Variants in EPB41L3 observed in about 807,000 individuals in gnomAD.
The protein encoded by EPB41L3 is erythrocyte membrane protein band 4.1 like 3.
Under a neutral mutation model 127.1 loss-of-function variants are expected in EPB41L3, and 57 were observed. The ratio of observed to expected loss-of-function variants is 0.45; its 90% confidence interval spans 0.36 to 0.56. The LOEUF (loss-of-function observed/expected upper bound fraction) is 0.56. Among genes scored for constraint, EPB41L3 ranks in the 20% least tolerant of loss-of-function variants. The pLI, the probability that EPB41L3 is intolerant of heterozygous loss-of-function variation, is 0.00. For missense variants in EPB41L3, 1,273 were observed against 1,372.2 expected, an observed-to-expected ratio of 0.93 and a Z score of 1.14; for synonymous variants, 572 against 549.5, an observed-to-expected ratio of 1.04 and a Z score of -0.57.
chr18:5,421,952 T>C (rs2145141869), intron 11 of EPB41L3, among the ~76,000 whole-genome samples: 1 of 152,240 alleles, frequency 6.6e-6, no homozygotes, highest in East Asian at 1.9e-4. Flanking sequence ...AAAAACCGAC[T>C]GCTTGTATCT....
chr18:5,625,069 C>T (rs569600550), intron 1 of EPB41L3, among the ~76,000 whole-genome samples: 2 of 152,056 alleles, frequency 1.3e-5, no homozygotes, highest in Admixed American at 6.5e-5. Flanking sequence ...GTTGGGGCCT[C>T]GGGAGATCTG....
intron 2 of EPB41L3, among the ~76,000 whole-genome samples, chr18:5,481,655 G>A (rs538124234): frequency 3.3e-5 from 5 of 152,316 alleles, no homozygotes; most frequent in African/African-American, 1.2e-4. Context: ...TGGACACTCT[G>A]CTCTGTAACT....
chr18:5,584,371 C>A (rs1024649483), intron 3 of EPB41L3, among the ~76,000 whole-genome samples: 2 of 152,146 alleles, frequency 1.3e-5, no homozygotes, highest in Non-Finnish European at 2.9e-5. Context: ...TGGTGAAAGT[C>A]ATATTTTGTT....
At position 5,438,084 on chromosome 18, in the gene EPB41L3, C is replaced by G; in HGVS notation, c.556G>C (p.Val186Leu). ...GCAGGGTCTGGTGGATAAAATTTCA[C>G]ATTAAATGAAAAGTGCCAAGCACCA... Reference protein sequence around the residue: ...RSGAWHFSFNVKFYPPDPAQL... With the variant: ...RSGAWHFSFNLKFYPPDPAQL... The change falls in exon 6 of 23, where the codon GTG becomes CTG. Residue 186 changes from valine (V) to leucine (L), a missense_variant. Physicochemically the swap from Val to Leu is conservative, Grantham distance 32. This residue lies in a region of EPB41L3 where 326 missense variants were observed against 440.2 expected (regional missense o/e 0.74). Transcript: ENST00000341928. 6.2e-7 allele frequency: 1 copy of G among 1,613,722 alleles called. No homozygotes were observed. Among genetic ancestry groups the G allele is most frequent in the Non-Finnish European group, 8.5e-7 (1 of 1,179,910 alleles).
intron 2 of EPB41L3, among the ~76,000 whole-genome samples, chr18:5,613,515 G>C (rs2094755106): frequency 6.6e-6 from 1 of 152,144 alleles, no homozygotes; most frequent in Non-Finnish European, 1.5e-5. Context: ...ACCAAACAAA[G>C]GCCCATGGGT....
chr18:5,465,592 T>A (rs2147269376), intron 3 of EPB41L3, among the ~76,000 whole-genome samples: 1 of 152,224 alleles, frequency 6.6e-6, no homozygotes, highest in East Asian at 1.9e-4. Flanking sequence ...TCCATAACTT[T>A]AAAGAACCTT....
chr18:5,424,379 T>C lies in EPB41L3; in HGVS notation c.1066-20A>G, dbSNP rs772339893. 19 of 1,550,104 alleles carry C rather than the reference T, an allele frequency of 1.2e-5. No homozygotes were observed. The highest frequency in any genetic ancestry group is 9.7e-5 in the South Asian group (8 of 82,828). ...TTCAAACTAAATAAAAAAAAATACA[T>C]TGAAGAGTAAAGTTTAAAATTATAA... On this transcript the variant is annotated intron_variant, in intron 9 of 22. Coordinates refer to ENST00000341928, the MANE Select transcript of EPB41L3 (RefSeq NM_012307.5).
chr18:5,396,235 G>A lies in EPB41L3; in HGVS notation c.2939C>T (p.Thr980Ile), dbSNP rs2073433608. ...TTCATATGTGATGGTTTTGGTTTCG[G>A]TGTGAACTACTGGCACTTCCTTCGT... ...ISTKEVPVVH[T>I]ETKTITYESS... Residue 980 changes from threonine to isoleucine, a missense_variant, in exon 19 of 23, where the codon ACC becomes ATC. This residue lies in a region of EPB41L3 where 765 missense variants were observed against 782.9 expected (regional missense o/e 0.98). Coordinates refer to ENST00000341928, the MANE Select transcript of EPB41L3 (RefSeq NM_012307.5). 1 of 1,614,058 alleles carries A rather than the reference G, an allele frequency of 6.2e-7. No individual in the cohort carries two copies. The highest frequency in any genetic ancestry group is 1.7e-5 in the Admixed American group (1 of 60,002).
At chr18:5,626,198 T>C (rs1470133259) in intron 1 of EPB41L3, among the ~76,000 whole-genome samples, 5 of 152,176 alleles carry the variant, frequency 3.3e-5, no homozygotes, top group Non-Finnish European at 5.9e-5. Flanking sequence ...AGGAGACCCT[T>C]AGCACTTCAG....
At chr18:5,483,559 G>A (rs1219550737) in intron 2 of EPB41L3, among the ~76,000 whole-genome samples, 1 of 151,676 alleles carries the variant, frequency 6.6e-6, no homozygotes, top group Admixed American at 6.6e-5. Context: ...ATAAAAACAA[G>A]AACCAACTAT....
chr18:5,398,175 CA>C, intron 16 of EPB41L3, 32 bp from the exon 17 acceptor site: 5 of 1,611,428 alleles, frequency 3.1e-6, no homozygotes, highest in Non-Finnish European at 4.2e-6. Flanking sequence ...GAGTCAAGCA[CA>C]AAAGAGAGAC....
At chr18:5,394,964 C>T in intron 21 of EPB41L3, 103 bp downstream of exon 21, 2 of 1,292,908 alleles carry the variant, frequency 1.5e-6, no homozygotes, top group Non-Finnish European at 2.2e-6. Context: ...TCGGAATTTT[C>T]TTCGGAATAC....
At chr18:5,627,223 G>C (rs1457524249) in intron 1 of EPB41L3, among the ~76,000 whole-genome samples, 3 of 152,262 alleles carry the variant, frequency 2.0e-5, no homozygotes, top group South Asian at 2.1e-4. Context: ...CTACACAATA[G>C]CCTCAAAATC....
chr18:5,515,335 G>A (rs2092706975), intron 1 of EPB41L3, among the ~76,000 whole-genome samples: 1 of 152,180 alleles, frequency 6.6e-6, no homozygotes, highest in African/African-American at 2.4e-5. Context: ...TTGGTATTCA[G>A]CTTGGGTAGC....
chr18:5,527,653 G>C (rs2093274686), intron 1 of EPB41L3, among the ~76,000 whole-genome samples: 1 of 152,336 alleles, frequency 6.6e-6, no homozygotes, highest in East Asian at 1.9e-4. Context: ...AGAGGAGCAG[G>C]TTTTGTAGGA....
intron 3 of EPB41L3, among the ~76,000 whole-genome samples, chr18:5,447,448 CTTTTTTTTT>C (rs10694622): frequency 1.8e-5 from 2 of 114,130 alleles, no homozygotes; most frequent in African/African-American, 3.2e-5. Flanking sequence ...AGCTAGACTA[CTTTTTTTTT>C]TTTTTTTTTT....
intron 3 of EPB41L3, among the ~76,000 whole-genome samples, chr18:5,552,675 A>C (rs986093286): frequency 2.0e-5 from 3 of 152,166 alleles, no homozygotes; most frequent in Non-Finnish European, 2.9e-5. Context: ...TTTACTGAGC[A>C]TTTATCTTGT....
At chr18:5,524,262 C>T (rs768649121) in intron 1 of EPB41L3, among the ~76,000 whole-genome samples, 8 of 152,048 alleles carry the variant, frequency 5.3e-5, no homozygotes, top group Non-Finnish European at 8.8e-5. Context: ...GGCGCAATCT[C>T]GGCTTCCTGC....
chr18:5,418,739 T>G (rs1180312633), intron 12 of EPB41L3, among the ~76,000 whole-genome samples: 2 of 152,178 alleles, frequency 1.3e-5, no homozygotes, highest in African/African-American at 4.8e-5. Flanking sequence ...ACTACAAAAA[T>G]TATTTGTCTA....
Sources: allele counts gnomAD v4.1 joint callset (sites outside exome capture counted in the v4.1 genomes callset), GRCh38; gene constraint gnomAD v4.1.1; regional missense constraint gnomAD v4.1.1; transcripts MANE v1.5; gene names NCBI Gene and HGNC (gene_info 2026-07-23, HGNC 2026-07-21).